The following MDGA2 variants were observed in gnomAD, a reference collection of about 807,000 sequenced individuals.
MDGA2 encodes MAM domain-containing glycosylphosphatidylinositol anchor protein 2.
MDGA2 carries 40 observed loss-of-function variants against 117.8 expected under a neutral mutation model. The ratio of observed to expected loss-of-function variants is 0.34; its 90% CI spans 0.26 to 0.44. The LOEUF (loss-of-function observed/expected upper bound fraction) is 0.44, where lower values mean the gene tolerates loss of function less well. Among genes scored for constraint, MDGA2 ranks in the 20% least tolerant of loss-of-function variants. MDGA2 has a pLI of 1.00. For missense variants in MDGA2, 1,123 were observed against 1,250.6 expected, an observed-to-expected ratio of 0.90 and a Z score of 1.54; for synonymous variants, 452 against 439.0, an observed-to-expected ratio of 1.03 and a Z score of -0.37.
intron 1 of MDGA2, 35 bp from the exon 2 acceptor site, chr14:47,301,585 G>T (rs1189587978): frequency 6.5e-7 from 1 of 1,550,300 alleles, no homozygotes; most frequent in Middle Eastern, 1.7e-4. Flanking sequence ...CAAGATACAT[G>T]AAAAGGTAAG....
intron 1 of MDGA2, among the ~76,000 whole-genome samples, chr14:47,322,636 C>T (rs905352087): frequency 3.3e-5 from 5 of 152,074 alleles, no homozygotes; most frequent in Admixed American, 3.3e-4. Flanking sequence ...ACGTAAGTAA[C>T]GTAACTTCTG....
At chr14:47,608,269 C>T (rs1566538948) in intron 1 of MDGA2, among the ~76,000 whole-genome samples, 1 of 152,078 alleles carries the variant, frequency 6.6e-6, no homozygotes, top group Non-Finnish European at 1.5e-5. Context: ...TAAGACTTTT[C>T]CACTTTTTTC....
chr14:46,858,176 C>T (rs1371996435), intron 14 of MDGA2, among the ~76,000 whole-genome samples: 1 of 151,028 alleles, frequency 6.6e-6, no homozygotes, highest in Admixed American at 6.6e-5. Context: ...TCTTTGTCTT[C>T]AAGTTCACTG....
At chr14:47,068,211 T>A (rs989683305) in intron 6 of MDGA2, among the ~76,000 whole-genome samples, 1 of 152,056 alleles carries the variant, frequency 6.6e-6, no homozygotes, top group Non-Finnish European at 1.5e-5. Flanking sequence ...CTCTTGAATA[T>A]CCTTTCTCAA....
intron 1 of MDGA2, among the ~76,000 whole-genome samples, chr14:47,441,766 A>C (rs1893016611): frequency 6.6e-6 from 1 of 152,162 alleles, no homozygotes; most frequent in South Asian, 2.1e-4. Context: ...CAATTGGTAG[A>C]ATACTGTTAA....
chr14:47,640,722 G>T (rs186043616), intron 1 of MDGA2, among the ~76,000 whole-genome samples: 2 of 152,188 alleles, frequency 1.3e-5, no homozygotes, highest in Admixed American at 1.3e-4. Context: ...TACTGAACAT[G>T]CTTATCCCTC....
At chr14:47,127,893 G>A (rs1881985456) in intron 5 of MDGA2, among the ~76,000 whole-genome samples, 1 of 151,620 alleles carries the variant, frequency 6.6e-6, no homozygotes. Context: ...TTCCCCTTTT[G>A]GCTTTAAGGT....
intron 2 of MDGA2, among the ~76,000 whole-genome samples, chr14:47,282,852 GT>G (rs141329854): frequency 0.091 from 13,827 of 152,120 alleles, 781 homozygotes; most frequent in Non-Finnish European, 0.11. Context: ...GGAGGCTAAG[GT>G]TAGGAGGATT....
intron 2 of MDGA2, among the ~76,000 whole-genome samples, chr14:47,220,980 C>G (rs527302684): frequency 4.6e-5 from 7 of 152,278 alleles, no homozygotes; most frequent in African/African-American, 1.7e-4. Context: ...TAACTCCCAA[C>G]TAACGAATTG....
intron 1 of MDGA2, among the ~76,000 whole-genome samples, chr14:47,304,123 A>C (rs1010169215): frequency 3.9e-5 from 6 of 152,150 alleles, no homozygotes; most frequent in African/African-American, 1.4e-4. Flanking sequence ...GTATTCATCA[A>C]AATATGTGCT....
rs569659593 is a variant in MDGA2, at chr14:47,343,313, G to A, written c.281-41763C>T. Reference sequence around the variant, plus strand: ...ACTAAGTTCTAAGTAGTAATGAGACGCTGTGAGTCTATTATGAACTGAATA... The same window carrying A: ...ACTAAGTTCTAAGTAGTAATGAGACACTGTGAGTCTATTATGAACTGAATA... On this transcript the variant is annotated intron_variant, in intron 1 of 16. Transcript: ENST00000399232. 1.3e-4 allele frequency: 141 copies of A among 1,063,514 alleles called. No individual in the cohort carries two copies. In the African/African-American group the frequency reaches 2.2e-3, roughly 16 times the overall value. 65.9% of individuals were successfully genotyped at this position (1,063,514 alleles called of 1,614,324 possible).
chr14:47,461,924 A>G (rs1456176493), intron 1 of MDGA2, among the ~76,000 whole-genome samples: 1 of 152,176 alleles, frequency 6.6e-6, no homozygotes, highest in African/African-American at 2.4e-5. Context: ...CTGAAATAAA[A>G]TCTGTAGGAT....
chr14:47,097,207 C>A, intron 5 of MDGA2, 84 bp from the exon 6 acceptor site: 4 of 1,441,202 alleles, frequency 2.8e-6, no homozygotes, highest in Non-Finnish European at 3.8e-6. Flanking sequence ...TTGGTTCATT[C>A]AAAAAATTAA....
chr14:47,532,575 C>T (rs369150259), intron 1 of MDGA2, among the ~76,000 whole-genome samples: 1 of 152,158 alleles, frequency 6.6e-6, no homozygotes, highest in Non-Finnish European at 1.5e-5. Context: ...AGTATATTTC[C>T]ACTACATCAT....
chr14:47,061,114 A>T, intron 7 of MDGA2, 135 bp downstream of exon 7: 1 of 694,826 alleles, frequency 1.4e-6, no homozygotes. Context: ...TTCATTGAGC[A>T]TTCAGAACAT....
intron 1 of MDGA2, among the ~76,000 whole-genome samples, chr14:47,623,389 T>C (rs754082177): frequency 2.0e-5 from 3 of 152,196 alleles, no homozygotes; most frequent in Admixed American, 6.5e-5. Flanking sequence ...CAAGAAACTA[T>C]AAAAGCTGAA....
At chr14:47,504,670 T>C (rs559718718) in intron 1 of MDGA2, among the ~76,000 whole-genome samples, 2 of 152,038 alleles carry the variant, frequency 1.3e-5, no homozygotes, top group East Asian at 1.9e-4. Flanking sequence ...AGAAGGGCTA[T>C]CATAAAAAAA....
At chr14:47,670,593 C>T (rs1400726262) in intron 1 of MDGA2, among the ~76,000 whole-genome samples, 1 of 152,160 alleles carries the variant, frequency 6.6e-6, no homozygotes, top group Non-Finnish European at 1.5e-5. Flanking sequence ...CATTGGATCA[C>T]TTAGCTCTAG....
intron 1 of MDGA2, among the ~76,000 whole-genome samples, chr14:47,584,948 C>T (rs897117484): frequency 6.6e-6 from 1 of 151,788 alleles, no homozygotes; most frequent in Admixed American, 6.6e-5. Flanking sequence ...ATCAGGATGA[C>T]ACTCAATAAA....
Sources: gnomAD v4.1 joint callset for allele counts (sites outside exome capture counted in the v4.1 genomes callset) on GRCh38, gnomAD v4.1.1 for gene constraint, MANE v1.5 for transcripts, NCBI Gene and HGNC (gene_info 2026-07-23, HGNC 2026-07-21) for gene names.